The following ATP9A variants were observed in gnomAD, a reference collection of about 807,000 sequenced individuals.
The protein encoded by ATP9A is ATPase phospholipid transporting 9A.
A neutral mutation model predicts 144.1 loss-of-function variants in ATP9A; 52 were observed. The ratio of observed to expected loss-of-function variants is 0.36; its 90% CI spans 0.29 to 0.45. The LOEUF is 0.45. Ranked by LOEUF, ATP9A falls within the 20% of genes least tolerant of loss-of-function variation. The pLI is 1.00. For synonymous variants in ATP9A, 582 were observed against 557.4 expected (o/e 1.04, Z -0.62); for missense variants, 947 against 1,392.7 (o/e 0.68, Z 5.09).
chr20:51,627,276 T>G (rs990405902), intron 17 of ATP9A, among the ~76,000 whole-genome samples: 3 of 152,066 alleles, frequency 2.0e-5, no homozygotes, highest in Admixed American at 2.0e-4. Flanking sequence ...GCGATGACAG[T>G]GACAAATGCA....
rs1019681877 is a variant in ATP9A at position 51,600,060 on chromosome 20, C to T, written c.*1151G>A. The T allele has an allele frequency of 6.6e-6, 1 of 152,168 alleles. No homozygotes were observed. Among genetic ancestry groups the T allele is most frequent in the African/African-American group, 2.4e-5 (1 of 41,432 alleles). 9.4% of individuals were successfully genotyped at this position (152,168 alleles called of 1,614,324 possible). A position where few individuals can be genotyped will look rare whatever the true frequency, so the allele number is the denominator to read the frequency against. On this transcript the variant is annotated 3_prime_UTR_variant, in exon 28 of 28. Coordinates refer to ENST00000338821, the MANE Select transcript of ATP9A (RefSeq NM_006045.3). ...ACCACTGGCTGCCTTTCAGCAAGTT[C>T]CCCTTGAAATCTGCCGGCAGTGGAA...
At chr20:51,625,000 G>A (rs1263464383) in intron 18 of ATP9A, among the ~76,000 whole-genome samples, 192 bp downstream of exon 18, 3 of 70,368 alleles carry the variant, frequency 4.3e-5, no homozygotes, top group African/African-American at 1.3e-4. Flanking sequence ...GCGAGACCCC[G>A]TCTCAAAAAA....
chr20:51,639,420 C>A lies in ATP9A; in HGVS notation c.1591G>T (p.Asp531Tyr), dbSNP rs2077309201. The A allele has an allele frequency of 2.5e-6, 4 of 1,614,054 alleles. No individual in the cohort carries two copies. The highest frequency in any genetic ancestry group is 2.5e-6 in the Non-Finnish European group (3 of 1,179,976). The change falls in exon 15 of 28, where the codon GAC becomes TAC. Residue 531 changes from aspartate to tyrosine, a missense_variant. This residue lies in a region of ATP9A where 770 missense variants were observed against 1,047.9 expected (regional missense o/e 0.73). Coordinates refer to ENST00000338821, the MANE Select transcript of ATP9A (RefSeq NM_006045.3). ...QSSMQLRTPG[D>Y]QILNFTILQI... Reference sequence around the variant, plus strand: ...AGGATGGTGAAGTTCAGGATCTGGTCGCCAGGGGTCCTCAGCTGCATGGAA... The same window carrying A: ...AGGATGGTGAAGTTCAGGATCTGGTAGCCAGGGGTCCTCAGCTGCATGGAA...
intron 19 of ATP9A, among the ~76,000 whole-genome samples, chr20:51,621,814 G>A (rs1379443653): frequency 1.3e-5 from 2 of 152,080 alleles, no homozygotes; most frequent in Non-Finnish European, 2.9e-5. Flanking sequence ...TTCTCAAAGG[G>A]ACCACGACCC....
chr20:51,637,535 G>A (rs1279462400), intron 15 of ATP9A, among the ~76,000 whole-genome samples: 8 of 152,062 alleles, frequency 5.3e-5, no homozygotes, highest in Admixed American at 5.2e-4. Flanking sequence ...TACGGAAGAA[G>A]AACGAGATGC....
intron 8 of ATP9A, among the ~76,000 whole-genome samples, chr20:51,689,691 G>A (rs1019950297): frequency 2.6e-5 from 4 of 151,492 alleles, no homozygotes; most frequent in African/African-American, 7.3e-5. Flanking sequence ...CAAAATGCTG[G>A]GATTACAGGT....
At chr20:51,721,915 T>C (rs2077691374) in intron 3 of ATP9A, among the ~76,000 whole-genome samples, 1 of 150,908 alleles carries the variant, frequency 6.6e-6, no homozygotes, top group African/African-American at 2.4e-5. Context: ...AATCTGGAGG[T>C]ATCACACTAC....
Position 51,624,692 on chromosome 20 carries a change from T to C in ATP9A, c.2016+500A>G, listed in dbSNP as rs139545087. On this transcript the variant is annotated intron_variant, in intron 18 of 27. Coordinates refer to ENST00000338821, the MANE Select transcript of ATP9A (RefSeq NM_006045.3). ...TCATCGGTACAGTAAAGGCAAACGC[T>C]ACACAAGATGTCTTCCAAAATCAGG... Among the ~76,000 whole-genome samples the C allele has an allele frequency of 2.3e-3, 344 of 152,104 alleles. 2 individuals are homozygous for C. The highest frequency in any genetic ancestry group is 7.9e-3 in the African/African-American group (326 of 41,514).
At position 51,713,855 on chromosome 20, in the gene ATP9A, A is replaced by C. The variant is rs149916480; in HGVS notation, c.328-781T>G. On this transcript the variant is annotated intron_variant, in intron 3 of 27. Coordinates refer to ENST00000338821, the MANE Select transcript of ATP9A (RefSeq NM_006045.3). ...ATTTCTCTGCCGGGAAGGAGACTAG[A>C]ATTAGGATAGGGAGGGACTGAAAGG... Among the ~76,000 whole-genome samples the C allele has an allele frequency of 5.9e-5, 9 of 152,268 alleles. No homozygotes were observed. The East Asian group carries it at 1.5e-3, about 26-fold the overall frequency.
At chr20:51,742,306 C>G (rs1437247241) in intron 1 of ATP9A, among the ~76,000 whole-genome samples, 1 of 135,846 alleles carries the variant, frequency 7.4e-6, no homozygotes, top group Non-Finnish European at 1.5e-5. Context: ...GTCTAGGGGA[C>G]AGAGCAAAAC....
chr20:51,663,262 C>T (rs1023471680), intron 13 of ATP9A, among the ~76,000 whole-genome samples: 3 of 152,082 alleles, frequency 2.0e-5, no homozygotes, highest in Admixed American at 6.6e-5. Context: ...AAATAAAGAA[C>T]GCATCTATCC....
Position 51,643,084 on chromosome 20 carries a change from C to T in ATP9A, c.1507-3580G>A, listed in dbSNP as rs182718325. Among the ~76,000 whole-genome samples the T allele has an allele frequency of 2.6e-5, 4 of 152,256 alleles. No homozygotes were observed. The East Asian group carries it at 7.7e-4, about 29-fold the overall frequency. ...TCCTTAGTCTACTATGCTCAGATAT[C>T]GAGTTCAGTTTCTGTTGCTTCTATT... On this transcript the variant is annotated intron_variant, in intron 14 of 27. Coordinates refer to ENST00000338821, the MANE Select transcript of ATP9A (RefSeq NM_006045.3).
chr20:51,638,071 T>TATATATATATATATATA (rs58144454), intron 15 of ATP9A, among the ~76,000 whole-genome samples: 5 of 34,194 alleles, frequency 1.5e-4, no homozygotes, highest in Non-Finnish European at 2.3e-4. Flanking sequence ...TTTCATCATT[T>TATATATATATATATATA]TATATATATA....
chr20:51,646,891 C>T lies in ATP9A; in HGVS notation c.1507-7387G>A, dbSNP rs150831076. Among the ~76,000 whole-genome samples the T allele has an allele frequency of 4.6e-3, 705 of 151,964 alleles. 6 individuals are homozygous for T. Among genetic ancestry groups the T allele is most frequent in the African/African-American group, 0.016 (673 of 41,402 alleles). On this transcript the variant is annotated intron_variant, in intron 14 of 27. Coordinates refer to ENST00000338821, the MANE Select transcript of ATP9A (RefSeq NM_006045.3). ...CAACACCTTGGGAGGCTGAAGTGGG[C>T]GGATCACCTGAGGTATGGAGCCTCA...
At chr20:51,703,373 A>G (rs2077602357) in intron 4 of ATP9A, among the ~76,000 whole-genome samples, 1 of 152,186 alleles carries the variant, frequency 6.6e-6, no homozygotes, top group Non-Finnish European at 1.5e-5. Context: ...TTTTAAACGC[A>G]TTTGCAGAAA....
chr20:51,720,970 T>C (rs6126321), intron 3 of ATP9A, among the ~76,000 whole-genome samples: 33,040 of 152,228 alleles, frequency 0.22, 4,209 homozygotes, highest in East Asian at 0.44. Context: ...AAGGGATGCT[T>C]GGATAAAGGG....
intron 8 of ATP9A, 131 bp from the exon 9 acceptor site, chr20:51,689,270 G>A (rs949016860): frequency 1.2e-4 from 97 of 818,564 alleles, no homozygotes; most frequent in Middle Eastern, 5.3e-4. Context: ...CAGTTTGGAA[G>A]CCGACGGCTC....
At chr20:51,627,513 G>T in intron 17 of ATP9A, 87 bp downstream of exon 17, 1 of 1,216,204 alleles carries the variant, frequency 8.2e-7, no homozygotes. Flanking sequence ...CATCAGAATG[G>T]CTCGCATAGG....
intron 14 of ATP9A, among the ~76,000 whole-genome samples, chr20:51,649,433 T>C (rs2077354681): frequency 6.6e-6 from 1 of 152,160 alleles, no homozygotes; most frequent in Non-Finnish European, 1.5e-5. Context: ...TGTGACTCTA[T>C]CATAAGAGGG....
Sources: allele counts gnomAD v4.1 joint callset (sites outside exome capture counted in the v4.1 genomes callset), GRCh38; gene constraint gnomAD v4.1.1; regional missense constraint gnomAD v4.1.1; transcripts MANE v1.5; gene names NCBI Gene and HGNC (gene_info 2026-07-23, HGNC 2026-07-21).